PGPEP1: variants seen among roughly 807,000 people sequenced by gnomAD.
PGPEP1 encodes pyroglutamyl-peptidase I, also known as pyroglutamyl-peptidase 1.
In PGPEP1, 15 loss-of-function variants were observed where a neutral mutation model predicts 24.1. That is an observed-to-expected ratio of 0.62 (90% CI 0.42 to 0.96). The LOEUF (loss-of-function observed/expected upper bound fraction) is 0.96, where lower values mean the gene tolerates loss of function less well. Ranked by LOEUF, PGPEP1 falls within the 40% of genes least tolerant of loss-of-function variation. The pLI, the probability that PGPEP1 is intolerant of heterozygous loss-of-function variation, is 0.00. For synonymous variants in PGPEP1, 122 were observed against 116.4 expected, an observed-to-expected ratio of 1.05 and a Z score of -0.31; for missense variants, 242 against 273.4, an observed-to-expected ratio of 0.89 and a Z score of 0.81.
chr19:18,345,569 A>G (rs1286529006), intron 2 of PGPEP1, among the ~76,000 whole-genome samples: 2 of 151,114 alleles, frequency 1.3e-5, no homozygotes, highest in Non-Finnish European at 3.0e-5. Flanking sequence ...AAAAAAAAAA[A>G]ATACAAACAG....
At chr19:18,342,394 C>A (rs754968797) in intron 1 of PGPEP1, among the ~76,000 whole-genome samples, 4 of 152,190 alleles carry the variant, frequency 2.6e-5, no homozygotes, top group African/African-American at 9.6e-5. Context: ...GGGCGACTGT[C>A]GTGTTTTGGA....
At chr19:18,363,315 C>A in intron 4 of PGPEP1, 76 bp from the exon 5 acceptor site, 2 of 1,199,580 alleles carry the variant, frequency 1.7e-6, no homozygotes, top group Non-Finnish European at 2.4e-6. Flanking sequence ...TGGATGGGTG[C>A]TGTCACCTTG....
intron 2 of PGPEP1, among the ~76,000 whole-genome samples, chr19:18,353,185 T>C (rs919102225): frequency 7.9e-5 from 12 of 151,878 alleles, no homozygotes; most frequent in African/African-American, 2.7e-4. Flanking sequence ...TCCCAAAGTA[T>C]TGGAATTACA....
At chr19:18,348,358 G>A (rs529340252) in intron 2 of PGPEP1, among the ~76,000 whole-genome samples, 3 of 152,238 alleles carry the variant, frequency 2.0e-5, no homozygotes, top group Non-Finnish European at 4.4e-5. Flanking sequence ...AGGGAACAAA[G>A]AGGGTCTTTG....
Position 18,365,920 on chromosome 19 carries a change from G to C in PGPEP1, c.*2337G>C, listed in dbSNP as rs1159848071. ...GTAGGGACACTATTGTTCCCTCCAT[G>C]CCAGCTTTTTTTTTTGCTGGAAATG... On this transcript the variant is annotated 3_prime_UTR_variant, in exon 5 of 5. Coordinates refer to ENST00000269919, the MANE Select transcript of PGPEP1 (RefSeq NM_017712.4). 2.0e-4 allele frequency: 10 copies of C among 49,910 alleles called. No individual in the cohort carries two copies. The highest frequency in any genetic ancestry group is 9.4e-4 in the African/African-American group (8 of 8,530). 3.1% of individuals were successfully genotyped at this position (49,910 alleles called of 1,614,324 possible).
chr19:18,347,013 C>G (rs765406595), intron 2 of PGPEP1, among the ~76,000 whole-genome samples: 2 of 150,900 alleles, frequency 1.3e-5, no homozygotes, highest in Non-Finnish European at 3.0e-5. Flanking sequence ...TTTCTCTGTT[C>G]CTTCCCACCT....
chr19:18,350,812 C>T (rs538623682), intron 2 of PGPEP1, among the ~76,000 whole-genome samples: 1 of 152,346 alleles, frequency 6.6e-6, no homozygotes, highest in African/African-American at 2.4e-5. Flanking sequence ...GTCATCCCAG[C>T]ACTTTGGGAG....
At chr19:18,362,216 A>C (rs1971364030) in intron 4 of PGPEP1, among the ~76,000 whole-genome samples, 1 of 148,562 alleles carries the variant, frequency 6.7e-6, no homozygotes, top group Non-Finnish European at 1.5e-5. Context: ...AGACCTGCCT[A>C]GCCAACATGG....
rs915051793 is a variant in PGPEP1 at position 18,363,720 on chromosome 19, C to T, written c.*137C>T. The T allele has an allele frequency of 3.5e-6, 2 of 573,318 alleles. No homozygotes were observed. The highest frequency in any genetic ancestry group is 6.0e-6 in the Non-Finnish European group (2 of 333,184). 35.5% of individuals were successfully genotyped at this position (573,318 alleles called of 1,614,324 possible). A position where few individuals can be genotyped will look rare whatever the true frequency, so the allele number is the denominator to read the frequency against. Reference sequence around the variant, plus strand: ...TGGAAGAGAGATTCTGATCTGCCCACCTCCTCTTCCTCCTTCTCTACAAAA... The same window carrying T: ...TGGAAGAGAGATTCTGATCTGCCCATCTCCTCTTCCTCCTTCTCTACAAAA... On this transcript the variant is annotated 3_prime_UTR_variant, in exon 5 of 5. Transcript: ENST00000269919.
intron 3 of PGPEP1, among the ~76,000 whole-genome samples, chr19:18,356,244 G>C (rs913262791): frequency 6.6e-6 from 1 of 151,922 alleles, no homozygotes; most frequent in Non-Finnish European, 1.5e-5. Flanking sequence ...ACCAGCCTGG[G>C]CAACATGGCA....
chr19:18,353,939 G>A (rs1380151960), intron 2 of PGPEP1, among the ~76,000 whole-genome samples: 1 of 152,082 alleles, frequency 6.6e-6, no homozygotes, highest in East Asian at 1.9e-4. Flanking sequence ...ATACTAGAGA[G>A]GCTTCTTTTT....
Position 18,363,641 on chromosome 19 carries a change from A to C in PGPEP1, c.*58A>C. 1.5e-6 allele frequency: 2 copies of C among 1,354,132 alleles called. No homozygotes were observed. Among genetic ancestry groups the C allele is most frequent in the Non-Finnish European group, 2.1e-6 (2 of 969,462 alleles). 83.9% of individuals were successfully genotyped at this position (1,354,132 alleles called of 1,614,324 possible). On this transcript the variant is annotated 3_prime_UTR_variant, in exon 5 of 5. Transcript: ENST00000269919. ...CTGGGGACCCCACGAGGGGACATCCACCCTCTGGGGTGTGGCCAGGAAAAG... is the reference window on the plus strand; with the variant it reads ...CTGGGGACCCCACGAGGGGACATCCCCCCTCTGGGGTGTGGCCAGGAAAAG...
intron 2 of PGPEP1, among the ~76,000 whole-genome samples, chr19:18,354,710 G>A (rs1174788661): frequency 1.3e-5 from 2 of 152,020 alleles, no homozygotes; most frequent in African/African-American, 4.8e-5. Context: ...TAGAGGCCAG[G>A]TCTCACTATG....
intron 2 of PGPEP1, among the ~76,000 whole-genome samples, chr19:18,347,881 C>A (rs1372747326): frequency 6.6e-6 from 1 of 152,202 alleles, no homozygotes; most frequent in Non-Finnish European, 1.5e-5. Context: ...ATCCGCCTGC[C>A]TTGGCCTCCC....
At chr19:18,345,548 C>A (rs1970807292) in intron 2 of PGPEP1, among the ~76,000 whole-genome samples, 1 of 149,614 alleles carries the variant, frequency 6.7e-6, no homozygotes, top group African/African-American at 2.4e-5. Context: ...CATAGCAAGA[C>A]CCCATCTCTA....
rs781704332 is a variant in PGPEP1 at position 18,357,626 on chromosome 19, G to GGGT, written c.437+11_437+12insGGT. The GGGT allele has an allele frequency of 8.9e-6, 14 of 1,578,016 alleles. No homozygotes were observed. Among genetic ancestry groups the GGGT allele is most frequent in the Non-Finnish European group, 1.2e-5 (14 of 1,158,140 alleles). On this transcript the variant is annotated intron_variant, in intron 4 of 4. Transcript: ENST00000269919. ...GCAGGATGCCGGCAGGTAGGGCCCT[G>GGGT]TGGGGTGGGAGTGAGTGGGGATTTC...
At chr19:18,358,713 C>G (rs1447418438) in intron 4 of PGPEP1, among the ~76,000 whole-genome samples, 1 of 152,020 alleles carries the variant, frequency 6.6e-6, no homozygotes. Context: ...CCTCCTGGCT[C>G]AAACAATTCT....
chr19:18,356,699 T>G (rs568369667), intron 3 of PGPEP1, among the ~76,000 whole-genome samples: 1 of 150,438 alleles, frequency 6.6e-6, no homozygotes, highest in African/African-American at 2.4e-5. Flanking sequence ...AGCCAAGATT[T>G]TTATGCCACT....
chr19:18,351,041 A>C (rs1971003849), intron 2 of PGPEP1, among the ~76,000 whole-genome samples: 1 of 152,202 alleles, frequency 6.6e-6, no homozygotes, highest in African/African-American at 2.4e-5. Context: ...TGGGAGGCCA[A>C]GGTGGGCGGA....
Sources: allele counts gnomAD v4.1 joint callset (sites outside exome capture counted in the v4.1 genomes callset), GRCh38; gene constraint gnomAD v4.1.1; transcripts MANE v1.5; gene names NCBI Gene and HGNC (gene_info 2026-07-23, HGNC 2026-07-21).